SLC16A12: variants seen among roughly 807,000 people sequenced by gnomAD.
SLC16A12 encodes monocarboxylate transporter 12.
Under a neutral mutation model 42.4 loss-of-function variants are expected in SLC16A12, and 17 were observed. That is an observed-to-expected ratio of 0.40 (90% CI 0.27 to 0.60). The LOEUF (loss-of-function observed/expected upper bound fraction) is 0.60. SLC16A12 is among the 20% of genes least tolerant of loss of function. SLC16A12 has a pLI of 0.42. For synonymous variants in SLC16A12, 224 were observed against 229.4 expected, an observed-to-expected ratio of 0.98 and a Z score of 0.21; for missense variants, 544 against 623.0, an observed-to-expected ratio of 0.87 and a Z score of 1.35.
chr10:89,512,329 T>G (rs1843175624), intron 2 of SLC16A12, among the ~76,000 whole-genome samples: 1 of 152,190 alleles, frequency 6.6e-6, no homozygotes, highest in East Asian at 1.9e-4. Context: ...TTAAGAAAAC[T>G]TCAAATCTTG....
At chr10:89,505,978 C>A (rs1843054492) in intron 2 of SLC16A12, among the ~76,000 whole-genome samples, 1 of 152,146 alleles carries the variant, frequency 6.6e-6, no homozygotes, top group Non-Finnish European at 1.5e-5. Flanking sequence ...GAAGTTCGAA[C>A]TGGGTGGAGC....
upstream of SLC16A12, among the ~76,000 whole-genome samples, chr10:89,538,067 G>A (rs181815559): frequency 7.9e-5 from 12 of 152,346 alleles, no homozygotes; most frequent in Non-Finnish European, 7.3e-5. Flanking sequence ...CTCAAGACCT[G>A]ACATAGCTGC....
At chr10:89,534,806 G>A (rs1843625212) in intron 1 of SLC16A12, among the ~76,000 whole-genome samples, 166 bp from the exon 2 acceptor site, 1 of 152,078 alleles carries the variant, frequency 6.6e-6, no homozygotes, top group South Asian at 2.1e-4. Context: ...TCCAGCCTGG[G>A]CGACAGAGCG....
At position 89,527,813 on chromosome 10, in the gene SLC16A12, A is replaced by AG. The variant is rs1430060683; in HGVS notation, c.-47+6687_-47+6688insC. Reference sequence around the variant, plus strand: ...TGAGACCCCATCTCTTAAAAAAAAAAAGAGAGAGAGAGAGAGAGAAAAGAA... The same window carrying AG: ...TGAGACCCCATCTCTTAAAAAAAAAAGAGAGAGAGAGAGAGAGAGAAAAGAA... On this transcript the variant is annotated intron_variant, in intron 2 of 7. Transcript: ENST00000371790. Among the ~76,000 whole-genome samples the AG allele has an allele frequency of 5.6e-5, 8 of 142,824 alleles. 1 individual carries two copies. The highest frequency in any genetic ancestry group is 2.2e-4 in the East Asian group (1 of 4,586). 93.7% of individuals were successfully genotyped at this position (142,824 alleles called of 152,430 possible). A position where few individuals can be genotyped will look rare whatever the true frequency, so the allele number is the denominator to read the frequency against.
chr10:89,509,495 C>CATG (rs1843128817), intron 2 of SLC16A12, among the ~76,000 whole-genome samples: 2 of 151,386 alleles, frequency 1.3e-5, no homozygotes, highest in Non-Finnish European at 3.0e-5. Context: ...ACAAAAACTA[C>CATG]ATTATCTTGA....
At chr10:89,525,748 G>C (rs1002817126) in intron 2 of SLC16A12, among the ~76,000 whole-genome samples, 4 of 152,156 alleles carry the variant, frequency 2.6e-5, no homozygotes, top group African/African-American at 9.7e-5. Context: ...TGAGGGTGGA[G>C]TCTGTGTCAA....
chr10:89,498,173 C>T (rs1341969643), intron 2 of SLC16A12, among the ~76,000 whole-genome samples: 2 of 151,706 alleles, frequency 1.3e-5, no homozygotes, highest in African/African-American at 2.4e-5. Flanking sequence ...TGTAGTGGTG[C>T]GTGCCTGTAG....
intron 2 of SLC16A12, among the ~76,000 whole-genome samples, chr10:89,517,607 G>A (rs1589721685): frequency 6.6e-6 from 1 of 152,038 alleles, no homozygotes; most frequent in East Asian, 1.9e-4. Flanking sequence ...CATTGCACCT[G>A]GCTCCAACTT....
intron 2 of SLC16A12, among the ~76,000 whole-genome samples, chr10:89,472,414 T>C (rs1589688139): frequency 6.6e-6 from 1 of 151,994 alleles, no homozygotes; most frequent in Non-Finnish European, 1.5e-5. Context: ...AGTTAGTTGA[T>C]AGTTTCAGTG....
intron 2 of SLC16A12, among the ~76,000 whole-genome samples, chr10:89,551,705 C>T (rs1372416179): frequency 1.3e-5 from 2 of 152,134 alleles, no homozygotes; most frequent in Non-Finnish European, 2.9e-5. Context: ...ATGGTTTTAT[C>T]AGGGGTTTCT....
chr10:89,554,033 G>GAAGAAAGAAGGAAAGA (rs1843787320), intron 2 of SLC16A12, among the ~76,000 whole-genome samples: 1 of 67,544 alleles, frequency 1.5e-5, no homozygotes, highest in African/African-American at 6.6e-5. Flanking sequence ...AGAGAGAAAG[G>GAAGAAAGAAGGAAAGA]AAGAAAGAAA....
At chr10:89,506,414 G>A (rs796268139) in intron 2 of SLC16A12, among the ~76,000 whole-genome samples, 6 of 152,274 alleles carry the variant, frequency 3.9e-5, no homozygotes, top group African/African-American at 1.4e-4. Context: ...AGCCTCCGCT[G>A]GTGATACCTG....
chr10:89,539,031 A>G (rs558179085), upstream of SLC16A12, among the ~76,000 whole-genome samples: 2 of 152,318 alleles, frequency 1.3e-5, no homozygotes, highest in South Asian at 4.1e-4. Context: ...CGATTTAACT[A>G]GAGTCCCATA....
intron 2 of SLC16A12, among the ~76,000 whole-genome samples, chr10:89,464,866 C>A (rs188664213): frequency 6.6e-6 from 1 of 152,272 alleles, no homozygotes; most frequent in East Asian, 1.9e-4. Flanking sequence ...TGCTGTTAAC[C>A]ATCCTGTGAC....
chr10:89,555,838 G>C (rs1402734064), intron 2 of SLC16A12: 1 of 150,860 alleles, frequency 6.6e-6, no homozygotes, highest in Non-Finnish European at 1.5e-5. Context: ...AGGACAGGTG[G>C]GAGAACACTA....
chr10:89,495,972 AATCCACAAATCC>A (rs1842916637), intron 2 of SLC16A12, among the ~76,000 whole-genome samples: 1 of 152,250 alleles, frequency 6.6e-6, no homozygotes, highest in African/African-American at 2.4e-5. Context: ...GCAACTGGCC[AATCCACAAATCC>A]TTCCTTCTAA....
intron 2 of SLC16A12, among the ~76,000 whole-genome samples, chr10:89,469,937 G>T (rs533470832): frequency 5.9e-4 from 90 of 152,192 alleles, no homozygotes; most frequent in Non-Finnish European, 1.0e-3. Flanking sequence ...ATTCCTCTTT[G>T]TTATTGCTTA....
chr10:89,461,619 T>C (rs1217459566), intron 3 of SLC16A12, among the ~76,000 whole-genome samples: 2 of 152,244 alleles, frequency 1.3e-5, no homozygotes, highest in African/African-American at 2.4e-5. Flanking sequence ...AGTTTGCCCA[T>C]AGTGTTTTTC....
intron 2 of SLC16A12, among the ~76,000 whole-genome samples, chr10:89,543,275 T>A (rs1004007452): frequency 1.6e-4 from 25 of 152,200 alleles, no homozygotes; most frequent in Admixed American, 1.6e-3. Context: ...AAAATAAAAA[T>A]AATTTAAAAC....
Sources: gnomAD v4.1 joint callset for allele counts (sites outside exome capture counted in the v4.1 genomes callset) on GRCh38, gnomAD v4.1.1 for gene constraint, MANE v1.5 for transcripts, NCBI Gene and HGNC (gene_info 2026-07-23, HGNC 2026-07-21) for gene names.